Variants in TENM1 observed in about 807,000 individuals in gnomAD.
TENM1 encodes the protein teneurin transmembrane protein 1, also known as teneurin-1.
TENM1 carries 35 observed loss-of-function variants against 174.8 expected under a neutral mutation model. The ratio of observed to expected loss-of-function variants is 0.20; its 90% CI spans 0.15 to 0.27. The LOEUF (loss-of-function observed/expected upper bound fraction) is 0.27. Ranked by LOEUF, TENM1 falls within the 10% of genes least tolerant of loss-of-function variation. TENM1 has a pLI of 1.00. For missense variants in TENM1, 1,633 were observed against 2,130.1 expected (o/e 0.77, Z 4.59); for synonymous variants, 781 against 798.7 (o/e 0.98, Z 0.37).
the TENM1 span, among the ~76,000 whole-genome samples, chrX:125,126,617 TG>T: frequency 9.1e-6 from 1 of 110,167 alleles, no homozygotes; most frequent in Admixed American, 9.7e-5. Flanking sequence ...GCTTCCAATT[TG>T]AAGGCACCCT....
At chrX:124,947,843 T>G (rs755613391) in intron 1 of TENM1, among the ~76,000 whole-genome samples, 1 of 112,066 alleles carries the variant, frequency 8.9e-6, no homozygotes, top group African/African-American at 3.2e-5. Context: ...GAGCTACCAA[T>G]TCTAGTTATC....
intron 1 of TENM1, among the ~76,000 whole-genome samples, chrX:124,921,418 T>C (rs144782077): frequency 0.025 from 2,817 of 111,399 alleles, 81 homozygotes; most frequent in African/African-American, 0.088. Context: ...GGGTATTTTA[T>C]GTATTATACT....
intron 15 of TENM1, 88 bp from the exon 19 acceptor site, chrX:124,530,071 G>A: frequency 1.0e-6 from 1 of 998,355 alleles, no homozygotes. Flanking sequence ...AAACAGTCAA[G>A]TATAACAAAG....
At chrX:124,753,876 C>T (rs1260099735) in intron 3 of TENM1, among the ~76,000 whole-genome samples, 2 of 111,578 alleles carry the variant, frequency 1.8e-5, no homozygotes, top group African/African-American at 6.5e-5. Flanking sequence ...TGATGTGCTG[C>T]TGGATTCAAT....
chrX:125,165,640 C>A, the TENM1 span, among the ~76,000 whole-genome samples: 2 of 111,568 alleles, frequency 1.8e-5, no homozygotes, highest in African/African-American at 6.5e-5. Context: ...GGCACAGGGC[C>A]CACAGTTCAG....
the TENM1 span, among the ~76,000 whole-genome samples, chrX:125,124,938 A>T: frequency 2.7e-5 from 3 of 112,253 alleles, no homozygotes; most frequent in Non-Finnish European, 5.6e-5. Context: ...TTGTTTTTAA[A>T]GATCTAGGTC....
intron 3 of TENM1, among the ~76,000 whole-genome samples, chrX:124,855,498 C>G (rs750363334): frequency 2.3e-4 from 26 of 111,106 alleles, no homozygotes; most frequent in Non-Finnish European, 4.0e-4. Flanking sequence ...ATTAACCAGG[C>G]TGGAAACATA....
intron 3 of TENM1, among the ~76,000 whole-genome samples, chrX:124,757,716 A>C (rs2054300162): frequency 8.9e-6 from 1 of 112,644 alleles, no homozygotes; most frequent in African/African-American, 3.2e-5. Context: ...GCCAAAATCT[A>C]GTCTTAAAAT....
At chrX:124,445,970 T>C (rs973766041) in intron 23 of TENM1, among the ~76,000 whole-genome samples, 3 of 112,417 alleles carry the variant, frequency 2.7e-5, no homozygotes, top group Admixed American at 1.9e-4. Flanking sequence ...GCAGTTATGC[T>C]TCAGAGTTTA....
chrX:124,458,282 C>T (rs1453237275), intron 22 of TENM1, among the ~76,000 whole-genome samples: 4 of 112,069 alleles, frequency 3.6e-5, no homozygotes, highest in Non-Finnish European at 7.5e-5. Flanking sequence ...GCCCAAGTTA[C>T]TTATGCATAA....
intron 11 of TENM1, among the ~76,000 whole-genome samples, chrX:124,610,967 C>G (rs1327590648): frequency 9.0e-6 from 1 of 111,136 alleles, no homozygotes; most frequent in Non-Finnish European, 1.9e-5. Context: ...GGAACTAGAT[C>G]TAGGACTCTT....
chrX:124,558,373 T>A (rs1365833649), intron 14 of TENM1, among the ~76,000 whole-genome samples: 1 of 111,767 alleles, frequency 8.9e-6, no homozygotes, highest in Non-Finnish European at 1.9e-5. Flanking sequence ...AGCAGCTACT[T>A]GAAGCAAATG....
chrX:124,954,094 C>T (rs1053096043), intron 1 of TENM1, among the ~76,000 whole-genome samples: 5 of 111,856 alleles, frequency 4.5e-5, no homozygotes, highest in Admixed American at 1.9e-4. Flanking sequence ...TTGTGTAATA[C>T]GTATGTAGTT....
At chrX:124,403,523 A>AAAAAAAAAAAG (rs1180744513) in intron 27 of TENM1, among the ~76,000 whole-genome samples, 1 of 107,026 alleles carries the variant, frequency 9.3e-6, no homozygotes, top group Non-Finnish European at 1.9e-5. Flanking sequence ...CTTGTCTCAA[A>AAAAAAAAAAAG]AAAAAAAAAA....
At chrX:124,543,682 G>A (rs2048369503) in intron 15 of TENM1, among the ~76,000 whole-genome samples, 2 of 112,078 alleles carry the variant, frequency 1.8e-5, no homozygotes, top group South Asian at 7.4e-4. Flanking sequence ...GGTTTACTTT[G>A]CAGTCATGTT....
At chrX:124,721,417 A>G (rs2053306401) in intron 4 of TENM1, among the ~76,000 whole-genome samples, 1 of 112,146 alleles carries the variant, frequency 8.9e-6, no homozygotes, top group Admixed American at 9.5e-5. Flanking sequence ...TTTAAGAATG[A>G]TTTTCAACAA....
At chrX:124,534,323 GA>G (rs1185590518) in intron 15 of TENM1, among the ~76,000 whole-genome samples, 2 of 111,414 alleles carry the variant, frequency 1.8e-5, no homozygotes, top group African/African-American at 3.3e-5. Context: ...TATTTTCATG[GA>G]ATAGTCAAAT....
the TENM1 span, among the ~76,000 whole-genome samples, chrX:125,013,156 G>A: frequency 8.1e-5 from 9 of 110,959 alleles, no homozygotes; most frequent in African/African-American, 3.0e-4. Context: ...GCATTTCATT[G>A]TCCTCATCTC....
intron 1 of TENM1, among the ~76,000 whole-genome samples, chrX:124,952,141 G>A (rs2058498699): frequency 9.0e-6 from 1 of 111,126 alleles, no homozygotes; most frequent in South Asian, 3.8e-4. Flanking sequence ...ATGTGGGATG[G>A]GAAGCTGCAG....
Sources: gnomAD v4.1 joint callset for allele counts (sites outside exome capture counted in the v4.1 genomes callset) on GRCh38, gnomAD v4.1.1 for gene constraint, MANE v1.5 for transcripts, NCBI Gene and HGNC (gene_info 2026-07-23, HGNC 2026-07-21) for gene names.